The following CELF2 variants were observed in gnomAD, a reference collection of about 807,000 sequenced individuals.
CELF2 encodes the protein CUG triplet repeat RNA-binding protein 2.
In CELF2, 8 loss-of-function variants were observed where a neutral mutation model predicts 62.6. The ratio of observed to expected loss-of-function variants is 0.13; its 90% CI spans 0.07 to 0.23. The LOEUF (loss-of-function observed/expected upper bound fraction) is 0.23, where lower values mean the gene tolerates loss of function less well. Among genes scored for constraint, CELF2 ranks in the 10% least tolerant of loss-of-function variants. The probability of loss-of-function intolerance (pLI) is 1.00; values close to 1 mark genes in which losing one functional copy is unlikely to be tolerated. For missense variants in CELF2, 333 were observed against 671.0 expected (o/e 0.50, Z 5.56); for synonymous variants, 258 against 250.0 (o/e 1.03, Z -0.30).
intron 1 of CELF2, among the ~76,000 whole-genome samples, chr10:10,889,591 C>G (rs767083297): frequency 6.6e-6 from 1 of 152,194 alleles, no homozygotes; most frequent in Non-Finnish European, 1.5e-5. Context: ...GACCTCCAGC[C>G]GTCTCTGACC....
intron 8 of CELF2, among the ~76,000 whole-genome samples, chr10:11,278,607 A>T (rs981167901): frequency 6.6e-6 from 1 of 152,206 alleles, no homozygotes. Flanking sequence ...AACAAGGGGT[A>T]GTGTTTTACC....
At chr10:11,146,159 C>G (rs941754329) in intron 1 of CELF2, among the ~76,000 whole-genome samples, 7 of 152,174 alleles carry the variant, frequency 4.6e-5, no homozygotes, top group Non-Finnish European at 8.8e-5. Context: ...TCAAAACCCT[C>G]CCTCTTTTCC....
At chr10:10,856,287 TG>T (rs1249281160) in intron 1 of CELF2, among the ~76,000 whole-genome samples, 3 of 152,144 alleles carry the variant, frequency 2.0e-5, no homozygotes, top group African/African-American at 7.2e-5. Context: ...ATAATGCAAA[TG>T]TTTTATTTAA....
chr10:11,253,408 C>G (rs2077720604), intron 4 of CELF2, among the ~76,000 whole-genome samples: 1 of 152,206 alleles, frequency 6.6e-6, no homozygotes, highest in Non-Finnish European at 1.5e-5. Flanking sequence ...GGGTGCAGAC[C>G]TGCAAAGCCT....
rs910200027 is a variant in CELF2 at position 10,934,029 on chromosome 10, G to A, written c.89+14030G>A. Reference sequence around the variant, plus strand: ...TTAAGAAACCTCCATACTGATTTCCGTAATGGCTATGCTAATGTACATTCC... The same window carrying A: ...TTAAGAAACCTCCATACTGATTTCCATAATGGCTATGCTAATGTACATTCC... On this transcript the variant is annotated intron_variant, in intron 2 of 13. Transcript: ENST00000636488. The surrounding 1 kb of genome is among the most constrained non-coding windows in gnomAD (Gnocchi z 4.4). Among the ~76,000 whole-genome samples, 12 of 152,130 alleles carry A rather than the reference G, an allele frequency of 7.9e-5. No individual in the cohort carries two copies. Among genetic ancestry groups the A allele is most frequent in the African/African-American group, 1.4e-4 (6 of 41,428 alleles).
chr10:10,559,061 A>G, the CELF2 span, among the ~76,000 whole-genome samples: 18 of 152,268 alleles, frequency 1.2e-4, no homozygotes, highest in African/African-American at 4.1e-4. Flanking sequence ...TTTCTTTTAA[A>G]TGTTTTATGT....
At chr10:10,800,487 G>T (rs1481016048) in intron 1 of CELF2, among the ~76,000 whole-genome samples, 1 of 152,112 alleles carries the variant, frequency 6.6e-6, no homozygotes, top group Non-Finnish European at 1.5e-5. Flanking sequence ...AGATAGCTGG[G>T]ATTACAGGTG....
At chr10:10,944,823 G>A (rs1039874928) in intron 2 of CELF2, among the ~76,000 whole-genome samples, 17 of 152,140 alleles carry the variant, frequency 1.1e-4, no homozygotes, top group East Asian at 1.9e-4. Flanking sequence ...GGCTGGTCCC[G>A]AACAACTGAA....
At chr10:10,961,768 A>G (rs2049532313) in intron 2 of CELF2, among the ~76,000 whole-genome samples, 1 of 151,946 alleles carries the variant, frequency 6.6e-6, no homozygotes, top group African/African-American at 2.4e-5. Flanking sequence ...AAGAAAAAAA[A>G]AAAGAAAAGA....
the CELF2 span, among the ~76,000 whole-genome samples, chr10:10,583,586 C>T: frequency 8.5e-5 from 13 of 152,304 alleles, no homozygotes; most frequent in South Asian, 2.7e-3. Flanking sequence ...AAGCTTCAGA[C>T]CAGGTTGCCG....
chr10:10,870,012 A>G (rs2060635166), intron 1 of CELF2, among the ~76,000 whole-genome samples: 1 of 152,208 alleles, frequency 6.6e-6, no homozygotes, highest in Non-Finnish European at 1.5e-5. Flanking sequence ...TATATCTTAT[A>G]TTATGCCAGA....
Position 11,159,077 on chromosome 10 carries a change from A to G in CELF2, c.75-6409A>G, listed in dbSNP as rs558628362. On this transcript the variant is annotated intron_variant, in intron 1 of 12. Coordinates refer to ENST00000633077, the MANE Select transcript of CELF2 (RefSeq NM_001326342.2). This position sits in a 1 kb window ranked among gnomAD's most constrained non-coding sequence, Gnocchi z 5.0. ...ATGTTTAGGGTATTTGCTCTGGTCAATTTTCCATGTGGATTCACTAGCTGA... is the reference window on the plus strand; with the variant it reads ...ATGTTTAGGGTATTTGCTCTGGTCAGTTTTCCATGTGGATTCACTAGCTGA... Among the ~76,000 whole-genome samples the G allele has an allele frequency of 1.9e-4, 29 of 152,244 alleles. No individual in the cohort carries two copies. Among genetic ancestry groups the G allele is most frequent in the East Asian group, 5.8e-4 (3 of 5,172 alleles).
the CELF2 span, among the ~76,000 whole-genome samples, chr10:10,695,940 C>G: frequency 6.6e-6 from 1 of 151,466 alleles, no homozygotes; most frequent in African/African-American, 2.4e-5. Context: ...AACTTCTTTG[C>G]CTTTGGTTTG....
chr10:10,688,626 C>G, the CELF2 span, among the ~76,000 whole-genome samples: 2 of 152,154 alleles, frequency 1.3e-5, no homozygotes, highest in Admixed American at 1.3e-4. Flanking sequence ...ATAATATTTA[C>G]AGTATTTAGC....
At chr10:11,116,090 C>T (rs116470490) in intron 1 of CELF2, among the ~76,000 whole-genome samples, 8,458 of 152,206 alleles carry the variant, frequency 0.056, 275 homozygotes, top group Middle Eastern at 0.065. Flanking sequence ...GGACAGTATT[C>T]GTAATTTCTC....
the CELF2 span, among the ~76,000 whole-genome samples, chr10:10,662,162 C>T: frequency 3.9e-5 from 6 of 152,260 alleles, no homozygotes; most frequent in East Asian, 5.8e-4. Flanking sequence ...CCTCCAACCA[C>T]GTCCACTGTA....
rs138610834 is a variant in CELF2 at position 11,325,766 on chromosome 10, T to A, written c.1295-70T>A. 4.0e-4 allele frequency: 562 copies of A among 1,403,764 alleles called. 3 individuals are homozygous for A. The African/African-American group carries it at 7.4e-3, about 18-fold the overall frequency. 87.0% of individuals were successfully genotyped at this position (1,403,764 alleles called of 1,614,324 possible). A position where few individuals can be genotyped will look rare whatever the true frequency, so the allele number is the denominator to read the frequency against. Reference sequence around the variant, plus strand: ...GCTTAGCCTACCTGTTGTTAAAGTATTCCTAAGAAGGGACTTTGGAAACTA... The same window carrying A: ...GCTTAGCCTACCTGTTGTTAAAGTAATCCTAAGAAGGGACTTTGGAAACTA... On this transcript the variant is annotated intron_variant, in intron 11 of 12. Coordinates refer to ENST00000633077, the MANE Select transcript of CELF2 (RefSeq NM_001326342.2).
Position 11,008,014 on chromosome 10 carries a change from T to C in CELF2, c.53+2574T>C, listed in dbSNP as rs201119. 0.26 allele frequency among the ~76,000 whole-genome samples: 39,618 copies of C among 152,096 alleles called. 9,997 individuals carry two copies. The highest frequency in any genetic ancestry group is 0.66 in the African/African-American group (27,432 of 41,424). The stretch of plus-strand genomic sequence containing the variant: ...CGGAATTTGGAAGCTGCCCCCATTC[T>C]AGCATCCGACATACATATGTCTTTT... On this transcript the variant is annotated intron_variant, in intron 1 of 12. Transcript: ENST00000416382. The surrounding 1 kb of genome is among the most constrained non-coding windows in gnomAD (Gnocchi z 4.5).
chr10:11,186,344 T>C (rs2074927339), intron 2 of CELF2, among the ~76,000 whole-genome samples: 1 of 151,612 alleles, frequency 6.6e-6, no homozygotes. Context: ...TTAATTGTTA[T>C]TGCTTCCATT....
Sources: allele counts gnomAD v4.1 joint callset (sites outside exome capture counted in the v4.1 genomes callset), GRCh38; gene constraint gnomAD v4.1.1; non-coding constraint Gnocchi (gnomAD v3.1); transcripts MANE v1.5; gene names NCBI Gene and HGNC (gene_info 2026-07-23, HGNC 2026-07-21).